KIF21A: variants seen among roughly 807,000 people sequenced by gnomAD.
KIF21A encodes the protein kinesin family member 21A.
KIF21A carries 114 observed loss-of-function variants against 202.9 expected under a neutral mutation model. That is an observed-to-expected ratio of 0.56 (90% CI 0.48 to 0.66). The LOEUF (loss-of-function observed/expected upper bound fraction) is 0.66, where lower values mean the gene tolerates loss of function less well. Among genes scored for constraint, KIF21A ranks in the 30% least tolerant of loss-of-function variants. The probability of loss-of-function intolerance (pLI) is 0.00; values close to 1 mark genes in which losing one functional copy is unlikely to be tolerated. For missense variants in KIF21A, 1,677 were observed against 1,994.9 expected (o/e 0.84, Z 3.04); for synonymous variants, 667 against 670.8 (o/e 0.99, Z 0.09).
intron 9 of KIF21A, 120 bp from the exon 10 acceptor site, chr12:39,357,015 T>A (rs1948826114): frequency 3.0e-6 from 2 of 672,968 alleles, no homozygotes; most frequent in East Asian, 5.4e-5. Context: ...TACAGCAAAT[T>A]TTCTACCCTT....
chr12:39,371,460 T>C (rs73086871), intron 1 of KIF21A, among the ~76,000 whole-genome samples: 4,499 of 152,178 alleles, frequency 0.03, 107 homozygotes, highest in Middle Eastern at 0.075. Flanking sequence ...GAAAAGTAAA[T>C]ATGAAGATAT....
chr12:39,437,038 T>C (rs1317479034), intron 1 of KIF21A, among the ~76,000 whole-genome samples: 1 of 152,206 alleles, frequency 6.6e-6, no homozygotes, highest in Non-Finnish European at 1.5e-5. Context: ...TATTTATAAG[T>C]CCGAGACTCA....
intron 11 of KIF21A, among the ~76,000 whole-genome samples, 188 bp downstream of exon 11, chr12:39,351,589 A>C (rs906046035): frequency 6.6e-6 from 1 of 152,070 alleles, no homozygotes; most frequent in African/African-American, 2.4e-5. Flanking sequence ...ATTACAATTA[A>C]ATCTATTTTT....
At chr12:39,365,699 C>T (rs934659393) in intron 6 of KIF21A, among the ~76,000 whole-genome samples, 7 of 152,216 alleles carry the variant, frequency 4.6e-5, no homozygotes. Context: ...AAGGTCTTCA[C>T]CCATGAAATA....
intron 1 of KIF21A, among the ~76,000 whole-genome samples, chr12:39,425,639 T>G (rs552890889): frequency 1.3e-5 from 2 of 152,166 alleles, no homozygotes; most frequent in Non-Finnish European, 2.9e-5. Context: ...ATATAAATTA[T>G]ATACATGGAG....
intron 15 of KIF21A, among the ~76,000 whole-genome samples, chr12:39,340,591 A>G (rs1947359879): frequency 6.6e-6 from 1 of 152,140 alleles, no homozygotes; most frequent in African/African-American, 2.4e-5. Flanking sequence ...CCCAACATAA[A>G]TCAAAACATT....
Position 39,356,996 on chromosome 12 carries a change from C to G in KIF21A, c.1406-101G>C, listed in dbSNP as rs1192704658. 11 of 706,756 alleles carry G rather than the reference C, an allele frequency of 1.6e-5. No individual in the cohort carries two copies. The Admixed American group carries it at 2.3e-4, about 15-fold the overall frequency. 43.8% of individuals were successfully genotyped at this position (706,756 alleles called of 1,614,324 possible). On this transcript the variant is annotated intron_variant, in intron 9 of 37. Coordinates refer to ENST00000361418, the MANE Select transcript of KIF21A (RefSeq NM_001173464.2). ...GAAACAAAACAATAATTTTTTAAAA[C>G]ACAATTCTTACAGCAAATTTTCTAC... is the stretch of plus-strand genomic sequence containing the variant.
At chr12:39,322,095 C>T (rs1397283081) in intron 27 of KIF21A, 1 of 152,116 alleles carries the variant, frequency 6.6e-6, no homozygotes, top group Non-Finnish European at 1.5e-5. Context: ...AATATTTCCT[C>T]CTTCAAATCT....
intron 1 of KIF21A, among the ~76,000 whole-genome samples, chr12:39,421,693 A>AAAAT (rs1211314328): frequency 0.014 from 2,016 of 145,790 alleles, 55 homozygotes; most frequent in African/African-American, 0.047. Flanking sequence ...ACTCCATCTC[A>AAAAT]AAATAAATAA....
intron 34 of KIF21A, 97 bp downstream of exon 34, chr12:39,307,467 TG>T: frequency 1.8e-6 from 2 of 1,081,692 alleles, no homozygotes; most frequent in Non-Finnish European, 2.8e-6. Flanking sequence ...CATTAACTTC[TG>T]GGGTCATAAA....
chr12:39,436,448 A>ATATTT (rs1387332677), intron 1 of KIF21A, among the ~76,000 whole-genome samples: 1 of 95,768 alleles, frequency 1.0e-5, no homozygotes, highest in African/African-American at 5.1e-5. Context: ...ATATATATAT[A>ATATTT]TTTTTTTTTT....
At chr12:39,343,946 TAC>T in intron 12 of KIF21A, among the ~76,000 whole-genome samples, 1 of 152,136 alleles carries the variant, frequency 6.6e-6, no homozygotes, top group Non-Finnish European at 1.5e-5. Flanking sequence ...AGCAGAATGG[TAC>T]AGTTTCAAAG....
chr12:39,420,724 G>A (rs1954184168), intron 1 of KIF21A, among the ~76,000 whole-genome samples: 1 of 151,914 alleles, frequency 6.6e-6, no homozygotes, highest in Non-Finnish European at 1.5e-5. Flanking sequence ...TCCTGAAAAT[G>A]ACACCATTCT....
At position 39,366,436 on chromosome 12, in the gene KIF21A, C is replaced by T; in HGVS notation, c.817G>A (p.Val273Ile). The T allele has an allele frequency of 6.2e-7, 1 of 1,613,954 alleles. No homozygotes were observed. Among genetic ancestry groups the T allele is most frequent in the Admixed American group, 1.7e-5 (1 of 59,996 alleles). ...FETLTAKFHFVDLAGSERLKR... is the reference protein window; with the variant it reads ...FETLTAKFHFIDLAGSERLKR... ...AGTCTTTCAGATCCTGCGAGATCAA[C>T]AAAATGGAACTTTGCAGTCAGGGTT... The change falls in exon 6 of 38, where the codon GTT becomes ATT. Residue 273 changes from valine (V) to isoleucine (I), a missense_variant. This residue lies in a region of KIF21A where 966 missense variants were observed against 1,180.9 expected (regional missense o/e 0.82). Transcript: ENST00000361418.
chr12:39,415,255 T>G (rs1210290135), intron 1 of KIF21A, among the ~76,000 whole-genome samples: 2 of 143,100 alleles, frequency 1.4e-5, no homozygotes, highest in East Asian at 4.0e-4. Flanking sequence ...TTTTTTTTTT[T>G]TTGAGATGGA....
intron 1 of KIF21A, among the ~76,000 whole-genome samples, chr12:39,388,370 T>C (rs1405593622): frequency 1.3e-5 from 2 of 152,196 alleles, no homozygotes; most frequent in Non-Finnish European, 2.9e-5. Flanking sequence ...GCAATGCTTC[T>C]TACAGCGCGC....
At position 39,301,517 on chromosome 12, in the gene KIF21A, T is replaced by C. The variant is rs148144546; in HGVS notation, c.4894A>G (p.Ile1632Val). Residue 1632 changes from isoleucine (I) to valine (V), a missense_variant, in exon 37 of 38, where the codon ATA (isoleucine) becomes GTA (valine). Physicochemically the swap from Ile to Val is conservative, Grantham distance 29. Around this residue, in one of 3 missense-constraint regions of KIF21A, gnomAD observed 705 missense variants for 791.9 expected, o/e 0.89. Transcript: ENST00000361418. ...AAAATGTGGGTGGAATTAACACATA[T>C]GGCATTGATAGGACTATCATGACCC... Reference protein sequence around the residue: ...MKGHDSPINAICVNSTHIFTA... With the variant: ...MKGHDSPINAVCVNSTHIFTA... 4.3e-5 allele frequency: 69 copies of C among 1,614,126 alleles called. 1 individual carries two copies. In the East Asian group the frequency reaches 1.3e-3, roughly 31 times the overall value.
rs537872530 is a variant in KIF21A, at chr12:39,409,839, T to A, written c.44+33088A>T. ...GAGAAAAATCGAAGAAGCTGGCTTT[T>A]TTTTTTTTTTTAGACAGAGTCTCAC... On this transcript the variant is annotated intron_variant, in intron 1 of 37. Coordinates refer to ENST00000361418, the MANE Select transcript of KIF21A (RefSeq NM_001173464.2). 7.9e-5 allele frequency among the ~76,000 whole-genome samples: 12 copies of A among 151,828 alleles called. 2 individuals are homozygous for A. The South Asian group carries it at 2.3e-3, about 29-fold the overall frequency.
In KIF21A at chr12:39,346,607, T is replaced by A. The variant is rs1947916711; in HGVS notation, c.1674-103A>T. The A allele has an allele frequency of 2.7e-5, 18 of 678,216 alleles. No individual in the cohort carries two copies. The South Asian group carries it at 6.9e-4, about 26-fold the overall frequency. 42.0% of individuals were successfully genotyped at this position (678,216 alleles called of 1,614,324 possible). A position where few individuals can be genotyped will look rare whatever the true frequency, so the allele number is the denominator to read the frequency against. On this transcript the variant is annotated intron_variant, in intron 11 of 37. Coordinates refer to ENST00000361418, the MANE Select transcript of KIF21A (RefSeq NM_001173464.2). Reference sequence around the variant, plus strand: ...AGAAGGTAAAAATGATACATGAGCTTGAAGACTTTAAAATAAATTTTAAAA... The same window carrying A: ...AGAAGGTAAAAATGATACATGAGCTAGAAGACTTTAAAATAAATTTTAAAA...
Sources: gnomAD v4.1 joint callset for allele counts (sites outside exome capture counted in the v4.1 genomes callset) on GRCh38, gnomAD v4.1.1 for gene constraint, gnomAD v4.1.1 regional missense constraint, MANE v1.5 for transcripts, NCBI Gene and HGNC (gene_info 2026-07-23, HGNC 2026-07-21) for gene names.